The following BMPR1B variants were observed in gnomAD, a reference collection of about 807,000 sequenced individuals.
BMPR1B encodes bone morphogenetic protein receptor type 1B.
In BMPR1B, 12 loss-of-function variants were observed where a neutral mutation model predicts 59.1. The observed-to-expected ratio is 0.20, with a 90% CI of 0.13 to 0.33. BMPR1B has a LOEUF of 0.33. Ranked by LOEUF, BMPR1B falls within the 10% of genes least tolerant of loss-of-function variation. BMPR1B has a pLI of 1.00. For missense variants in BMPR1B, 550 were observed against 610.9 expected (o/e 0.90, Z 1.05); for synonymous variants, 237 against 207.3 (o/e 1.14, Z -1.23).
At chr4:95,090,857 C>G (rs1729926744) in intron 3 of BMPR1B, among the ~76,000 whole-genome samples, 1 of 151,938 alleles carries the variant, frequency 6.6e-6, no homozygotes, top group Non-Finnish European at 1.5e-5. Context: ...TTTAATGAAT[C>G]AAGTCAAATG....
chr4:95,026,098 A>ATTTCTTTCTTTTCTTC (rs1724342718), intron 3 of BMPR1B, among the ~76,000 whole-genome samples: 2 of 101,622 alleles, frequency 2.0e-5, no homozygotes, highest in Admixed American at 2.0e-4. Flanking sequence ...GCTTTCTTTC[A>ATTTCTTTCTTTTCTTC]TTTCTTTCTT....
At chr4:95,136,233 C>T (rs1187969343) in intron 10 of BMPR1B, among the ~76,000 whole-genome samples, 1 of 152,284 alleles carries the variant, frequency 6.6e-6, no homozygotes, top group East Asian at 1.9e-4. Context: ...GTATGTTGAA[C>T]CAGCCTTGCA....
intron 2 of BMPR1B, among the ~76,000 whole-genome samples, chr4:94,929,302 T>C (rs142838576): frequency 0.015 from 2,353 of 152,242 alleles, 30 homozygotes; most frequent in Admixed American, 0.036. Flanking sequence ...TAGAATCACT[T>C]GGAGCATTTA....
At chr4:94,844,035 G>T (rs986781669) in intron 1 of BMPR1B, among the ~76,000 whole-genome samples, 8 of 152,150 alleles carry the variant, frequency 5.3e-5, no homozygotes, top group Non-Finnish European at 8.8e-5. Context: ...GGAGATGTTG[G>T]TTAAAGGGTA....
chr4:95,025,886 C>A (rs1266324816), intron 3 of BMPR1B, among the ~76,000 whole-genome samples: 1 of 152,146 alleles, frequency 6.6e-6, no homozygotes, highest in Non-Finnish European at 1.5e-5. Flanking sequence ...TGACTTGATA[C>A]AATCTTAATA....
intron 2 of BMPR1B, among the ~76,000 whole-genome samples, chr4:94,888,802 T>C (rs1206532388): frequency 1.3e-5 from 2 of 152,082 alleles, no homozygotes; most frequent in Non-Finnish European, 2.9e-5. Flanking sequence ...GGTAGGAAAT[T>C]ATTTTATCAA....
intron 2 of BMPR1B, among the ~76,000 whole-genome samples, chr4:94,900,115 G>T (rs761712959): frequency 6.6e-6 from 1 of 151,150 alleles, no homozygotes; most frequent in Admixed American, 6.6e-5. Flanking sequence ...AATGAAAACA[G>T]GATTTTTTTT....
At chr4:95,064,033 TA>T (rs2149209505) in intron 3 of BMPR1B, among the ~76,000 whole-genome samples, 1 of 152,264 alleles carries the variant, frequency 6.6e-6, no homozygotes, top group African/African-American at 2.4e-5. Context: ...TAACCACTGT[TA>T]GTTGGAGTAT....
At chr4:94,925,959 T>G (rs1251038379) in intron 2 of BMPR1B, among the ~76,000 whole-genome samples, 1 of 151,564 alleles carries the variant, frequency 6.6e-6, no homozygotes, top group African/African-American at 2.4e-5. Context: ...CATTTCTCCT[T>G]CCTTCCTCCC....
intron 1 of BMPR1B, among the ~76,000 whole-genome samples, chr4:94,847,560 G>A (rs1418576850): frequency 6.6e-6 from 1 of 152,094 alleles, no homozygotes; most frequent in Non-Finnish European, 1.5e-5. Flanking sequence ...CAGATGAATG[G>A]ATAAGGAAAA....
intron 3 of BMPR1B, among the ~76,000 whole-genome samples, chr4:95,000,901 G>T (rs544313229): frequency 2.0e-5 from 3 of 152,204 alleles, no homozygotes; most frequent in East Asian, 3.9e-4. Context: ...ACAGTGAAGG[G>T]CATATAATTC....
intron 2 of BMPR1B, among the ~76,000 whole-genome samples, chr4:94,881,427 A>C (rs1209120840): frequency 6.6e-6 from 1 of 151,922 alleles, no homozygotes; most frequent in Non-Finnish European, 1.5e-5. Context: ...TTTGGCAACG[A>C]GAGGAGCTGG....
intron 3 of BMPR1B, among the ~76,000 whole-genome samples, chr4:95,102,752 T>C (rs1248452034): frequency 1.3e-5 from 2 of 152,140 alleles, no homozygotes; most frequent in African/African-American, 4.8e-5. Flanking sequence ...TATTTGGGAA[T>C]TTAACCTAAG....
intron 10 of BMPR1B, among the ~76,000 whole-genome samples, chr4:95,135,221 AT>A (rs1733681101): frequency 6.6e-6 from 1 of 151,982 alleles, no homozygotes; most frequent in South Asian, 2.1e-4. Context: ...ATTGGTCTAT[AT>A]CTCTGTTTTG....
At chr4:95,022,050 C>T (rs761934460) in intron 3 of BMPR1B, among the ~76,000 whole-genome samples, 49 of 152,222 alleles carry the variant, frequency 3.2e-4, no homozygotes, top group South Asian at 6.2e-4. Context: ...AGAAATAGGA[C>T]GGGCGCAGTG....
At chr4:95,010,974 T>C (rs1723183574) in intron 3 of BMPR1B, among the ~76,000 whole-genome samples, 1 of 152,248 alleles carries the variant, frequency 6.6e-6, no homozygotes, top group African/African-American at 2.4e-5. Flanking sequence ...TAAATAATTG[T>C]AGAAAAAACT....
At chr4:94,967,315 G>T (rs3796423) in intron 2 of BMPR1B, among the ~76,000 whole-genome samples, 6 of 151,828 alleles carry the variant, frequency 4.0e-5, no homozygotes, top group African/African-American at 1.5e-4. Flanking sequence ...AACCATAGCC[G>T]TTCAGAAAGT....
intron 1 of BMPR1B, among the ~76,000 whole-genome samples, chr4:94,799,360 G>T (rs973244768): frequency 6.6e-6 from 1 of 150,578 alleles, no homozygotes; most frequent in African/African-American, 2.4e-5. Context: ...CTGCAGTGCA[G>T]TGGCGCAATC....
At chr4:94,844,273 CTCT>C (rs10563230) in intron 1 of BMPR1B, among the ~76,000 whole-genome samples, 92,639 of 151,074 alleles carry the variant, frequency 0.61, 29,382 homozygotes, top group African/African-American at 0.78. Flanking sequence ...TCTAGTTCGA[CTCT>C]TCTTCCTCTG....
Sources: gnomAD v4.1 joint callset for allele counts (sites outside exome capture counted in the v4.1 genomes callset) on GRCh38, gnomAD v4.1.1 for gene constraint, MANE v1.5 for transcripts, NCBI Gene and HGNC (gene_info 2026-07-23, HGNC 2026-07-21) for gene names.